The following SAMMSON variants were observed in gnomAD, a reference collection of about 807,000 sequenced individuals.
The protein encoded by SAMMSON is long intergenic non-protein coding RNA 1212.
At chr3:70,410,844 C>T (rs1701212202) in intron 2 of SAMMSON, among the ~76,000 whole-genome samples, 1 of 152,138 alleles carries the variant, frequency 6.6e-6, no homozygotes, top group Non-Finnish European at 1.5e-5. Context: ...CAGGACAATG[C>T]ACAGCAATGA....
At chr3:70,275,114 A>G (rs570555592) in intron 6 of SAMMSON, among the ~76,000 whole-genome samples, 68 of 152,332 alleles carry the variant, frequency 4.5e-4, no homozygotes, top group African/African-American at 1.5e-3. Flanking sequence ...TGTGGTCATC[A>G]TTCTCACTGA....
intron 7 of SAMMSON, among the ~76,000 whole-genome samples, chr3:70,351,720 C>T (rs1385087393): frequency 6.6e-6 from 1 of 151,756 alleles, no homozygotes; most frequent in East Asian, 1.9e-4. Context: ...CAACAAAATC[C>T]CAAAAGCCTC....
intron 6 of SAMMSON, among the ~76,000 whole-genome samples, chr3:70,253,744 TA>T (rs1182427448): frequency 4.6e-5 from 7 of 151,880 alleles, no homozygotes; most frequent in Admixed American, 2.0e-4. Context: ...AAAATACAAA[TA>T]AAAAAAGAAA....
At chr3:70,111,068 T>G (rs2067386074) in intron 4 of SAMMSON, among the ~76,000 whole-genome samples, 1 of 152,186 alleles carries the variant, frequency 6.6e-6, no homozygotes, top group South Asian at 2.1e-4. Context: ...GCATGTCTCT[T>G]GGTCCATTGA....
chr3:70,384,734 G>A (rs1703106361), intron 9 of SAMMSON, among the ~76,000 whole-genome samples: 1 of 152,030 alleles, frequency 6.6e-6, no homozygotes, highest in South Asian at 2.1e-4. Flanking sequence ...AAGCTTACTA[G>A]AAATTACCTT....
intron 4 of SAMMSON, among the ~76,000 whole-genome samples, chr3:70,222,085 T>G: frequency 6.6e-6 from 1 of 152,114 alleles, no homozygotes. Flanking sequence ...CACCCACCCT[T>G]TATCCTTTAG....
intron 4 of SAMMSON, among the ~76,000 whole-genome samples, chr3:70,239,783 TA>T (rs1348827022): frequency 6.6e-6 from 1 of 152,156 alleles, no homozygotes; most frequent in Admixed American, 6.5e-5. Context: ...GATTATATGC[TA>T]AATACAGTGA....
intron 4 of SAMMSON, among the ~76,000 whole-genome samples, chr3:70,206,991 G>T (rs1463724705): frequency 6.7e-6 from 1 of 150,320 alleles, no homozygotes; most frequent in Non-Finnish European, 1.5e-5. Context: ...TATACACATT[G>T]CAAACTTTAC....
intron 4 of SAMMSON, among the ~76,000 whole-genome samples, chr3:70,217,095 A>C (rs546887677): frequency 6.6e-6 from 1 of 152,218 alleles, no homozygotes; most frequent in South Asian, 2.1e-4. Flanking sequence ...TATGGTGTAC[A>C]TGTATTTCCC....
chr3:70,183,937 C>T (rs915773172), intron 4 of SAMMSON: 1 of 152,116 alleles, frequency 6.6e-6, no homozygotes, highest in Admixed American at 6.5e-5. Flanking sequence ...ACTACTTCCC[C>T]GTGGCAGAAT....
At chr3:70,327,435 C>T (rs1300290604) in intron 7 of SAMMSON, among the ~76,000 whole-genome samples, 1 of 152,138 alleles carries the variant, frequency 6.6e-6, no homozygotes, top group Non-Finnish European at 1.5e-5. Context: ...GGAACCTAGA[C>T]AGAGTCTGGT....
intron 7 of SAMMSON, among the ~76,000 whole-genome samples, chr3:70,340,184 T>C (rs987758611): frequency 1.4e-5 from 2 of 143,496 alleles, no homozygotes; most frequent in Non-Finnish European, 3.0e-5. Context: ...TAGGTGGGGA[T>C]TGAACAATGA....
chr3:70,122,721 A>G (rs1246408070), intron 4 of SAMMSON, among the ~76,000 whole-genome samples: 1 of 152,244 alleles, frequency 6.6e-6, no homozygotes, highest in Admixed American at 6.5e-5. Flanking sequence ...TTGTTTCTAG[A>G]ATAGATAACT....
At chr3:70,074,961 T>A (rs1267566217) in intron 4 of SAMMSON, 1 of 152,080 alleles carries the variant, frequency 6.6e-6, no homozygotes. Flanking sequence ...ATAAAACTGG[T>A]CCCTTCTTTG....
At chr3:70,024,000 C>T (rs1017554469) in intron 3 of SAMMSON, among the ~76,000 whole-genome samples, 1 of 140,928 alleles carries the variant, frequency 7.1e-6, no homozygotes, top group Non-Finnish European at 1.5e-5. Flanking sequence ...GCAGCTCTTC[C>T]TTCCTATTTT....
intron 4 of SAMMSON, among the ~76,000 whole-genome samples, chr3:70,139,531 G>A (rs2067519159): frequency 6.6e-6 from 1 of 152,128 alleles, no homozygotes; most frequent in African/African-American, 2.4e-5. Context: ...CTCTGTCTGG[G>A]TCCTGTGGCA....
intron 3 of SAMMSON, among the ~76,000 whole-genome samples, chr3:70,037,786 A>G (rs1394795361): frequency 1.3e-5 from 2 of 152,194 alleles, no homozygotes; most frequent in African/African-American, 2.4e-5. Context: ...TTCTCCATGT[A>G]ATGCTTCATG....
intron 3 of SAMMSON, among the ~76,000 whole-genome samples, chr3:70,056,599 A>C (rs148997245): frequency 6.7e-4 from 101 of 151,860 alleles, no homozygotes; most frequent in Non-Finnish European, 1.1e-3. Flanking sequence ...TTTTCTTGGA[A>C]ATACACTATC....
chr3:70,279,617 C>T (rs756849572), intron 6 of SAMMSON, among the ~76,000 whole-genome samples: 13 of 152,246 alleles, frequency 8.5e-5, no homozygotes, highest in South Asian at 2.1e-4. Context: ...CTCAGATTTG[C>T]GTTGCTCTCT....
Sources: gnomAD v4.1 joint callset for allele counts (sites outside exome capture counted in the v4.1 genomes callset) on GRCh38, gnomAD v4.1.1 for gene constraint, MANE v1.5 for transcripts, NCBI Gene and HGNC (gene_info 2026-07-23, HGNC 2026-07-21) for gene names.